CCDC112: variants seen among roughly 807,000 people sequenced by gnomAD.
CCDC112 encodes the protein coiled-coil domain-containing protein 112.
In CCDC112, 40 loss-of-function variants were observed where a neutral mutation model predicts 66.3. The observed-to-expected ratio is 0.60, with a 90% CI of 0.47 to 0.79. The LOEUF (loss-of-function observed/expected upper bound fraction) is 0.79, where lower values mean the gene tolerates loss of function less well. CCDC112 is among the 30% of genes least tolerant of loss of function. CCDC112 has a pLI of 0.00. For synonymous variants in CCDC112, 214 were observed against 197.2 expected (o/e 1.09, Z -0.71); for missense variants, 659 against 603.8 (o/e 1.09, Z -0.96).
intron 1 of CCDC112, among the ~76,000 whole-genome samples, chr5:115,295,662 T>C (rs770844484): frequency 6.6e-6 from 1 of 152,164 alleles, no homozygotes; most frequent in Non-Finnish European, 1.5e-5. Flanking sequence ...GGGAATACAA[T>C]AAAGAATAAA....
At chr5:115,287,490 C>T (rs1749724220) in intron 1 of CCDC112, among the ~76,000 whole-genome samples, 1 of 152,130 alleles carries the variant, frequency 6.6e-6, no homozygotes, top group African/African-American at 2.4e-5. Context: ...AATGGAGTTA[C>T]TCATGCTAAG....
In CCDC112 at chr5:115,275,450, A is replaced by G; in HGVS notation, c.684T>C (p.Thr228=). The part of the protein sequence containing the change: ...KVPVDKVTPS[T]LPEEVLDFEK... ...CAAAATCTAGTACCTCTTCTGGAAG[A>G]GTACTTGGTGTTACTTTGTCTACAG... Residue 228 remains threonine, a synonymous_variant, in exon 6 of 10, where the codon ACT becomes ACC. Transcript: ENST00000379611. 6.2e-7 allele frequency: 1 copy of G among 1,614,068 alleles called. No individual in the cohort carries two copies. The highest frequency in any genetic ancestry group is 8.5e-7 in the Non-Finnish European group (1 of 1,179,968).
chr5:115,275,433 A>G lies in CCDC112; in HGVS notation c.701T>C (p.Leu234Pro), dbSNP rs369371531. 9 of 1,614,076 alleles carry G rather than the reference A, an allele frequency of 5.6e-6. No homozygotes were observed. Among genetic ancestry groups the G allele is most frequent in the Non-Finnish European group, 7.6e-6 (9 of 1,179,978 alleles). The change falls in exon 6 of 10, where the codon CTA becomes CCA. Residue 234 changes from leucine (L) to proline (P), a missense_variant. By Grantham distance (98) the Leu-to-Pro change is moderately conservative. Coordinates refer to ENST00000379611, the MANE Select transcript of CCDC112 (RefSeq NM_001040440.3). ...TTGCTGAAGGAATTTTTCAAAATCT[A>G]GTACCTCTTCTGGAAGAGTACTTGG... ...VTPSTLPEEV[L>P]DFEKFLQQTG... is the part of the protein sequence containing the mutation.
intron 5 of CCDC112, 110 bp from the exon 6 acceptor site, chr5:115,275,716 T>C (rs1749180186): frequency 1.3e-6 from 1 of 785,034 alleles, no homozygotes; most frequent in African/African-American, 1.8e-5. Flanking sequence ...CACTTAACAT[T>C]ATTAACATTT....
At chr5:115,290,695 C>G (rs1351543864) in intron 1 of CCDC112, among the ~76,000 whole-genome samples, 1 of 152,022 alleles carries the variant, frequency 6.6e-6, no homozygotes. Context: ...AAGTTTTATG[C>G]TTCTTTTGTT....
At chr5:115,271,109 A>G (rs1376566399) in intron 7 of CCDC112, 104 bp downstream of exon 7, 1 of 1,028,700 alleles carries the variant, frequency 9.7e-7, no homozygotes, top group Non-Finnish European at 1.4e-6. Flanking sequence ...CTAATGCTAT[A>G]CACAGGTCCA....
In CCDC112 at chr5:115,273,274, A is replaced by G. The variant is rs1485765636; in HGVS notation, c.919-1648T>C. ...TCCAGAAAGTGAGAACAAGATAAGC[A>G]AAGGCATTCAGGCCAGAAAGTTCAG... On this transcript the variant is annotated intron_variant, in intron 6 of 9. Transcript: ENST00000379611. Among the ~76,000 whole-genome samples, 6 of 152,376 alleles carry G rather than the reference A, an allele frequency of 3.9e-5. No individual in the cohort carries two copies. The East Asian group carries it at 9.6e-4, about 24-fold the overall frequency.
intron 1 of CCDC112, among the ~76,000 whole-genome samples, chr5:115,292,353 T>C (rs557745173): frequency 2.0e-4 from 29 of 146,550 alleles, no homozygotes; most frequent in South Asian, 6.4e-4. Context: ...TTGATTCTTT[T>C]TTAAATGTTT....
rs901323825 is a variant in CCDC112 at position 115,269,688 on chromosome 5, C to T, written c.1428+15G>A. 3.3e-6 allele frequency: 5 copies of T among 1,535,060 alleles called. No individual in the cohort carries two copies. In the African/African-American group the frequency reaches 5.5e-5, roughly 17 times the overall value. Reference sequence around the variant, plus strand: ...TTAGGATAATAACAATGAAAATAATCTCGGTGCAGAGTACCTTTTCTTTTA... The same window carrying T: ...TTAGGATAATAACAATGAAAATAATTTCGGTGCAGAGTACCTTTTCTTTTA... On this transcript the variant is annotated intron_variant, in intron 8 of 9. Transcript: ENST00000379611.
chr5:115,272,539 C>G (rs1749050116), intron 6 of CCDC112, among the ~76,000 whole-genome samples: 2 of 152,244 alleles, frequency 1.3e-5, no homozygotes, highest in South Asian at 4.1e-4. Flanking sequence ...AATGAGTTAG[C>G]GTCTGGCACA....
chr5:115,281,282 C>T (rs1749445334), intron 2 of CCDC112, among the ~76,000 whole-genome samples: 1 of 152,074 alleles, frequency 6.6e-6, no homozygotes, highest in African/African-American at 2.4e-5. Flanking sequence ...CCTTGGCCTC[C>T]CAAAATGCTG....
At chr5:115,283,240 A>G (rs970114504) in intron 2 of CCDC112, among the ~76,000 whole-genome samples, 1 of 152,072 alleles carries the variant, frequency 6.6e-6, no homozygotes. Flanking sequence ...TTTCTATTTT[A>G]TAACTTGTAC....
chr5:115,276,461 G>A (rs1182884967), intron 4 of CCDC112, among the ~76,000 whole-genome samples: 1 of 152,152 alleles, frequency 6.6e-6, no homozygotes, highest in Admixed American at 6.5e-5. Flanking sequence ...AAGCAAGGAG[G>A]TAGGGATATA....
At chr5:115,274,734 C>G (rs1463210611) in intron 6 of CCDC112, among the ~76,000 whole-genome samples, 1 of 150,506 alleles carries the variant, frequency 6.6e-6, no homozygotes, top group East Asian at 1.9e-4. Flanking sequence ...GGTAAAATTA[C>G]TTAACTTCCT....
chr5:115,288,283 C>T (rs1055910502), intron 1 of CCDC112, among the ~76,000 whole-genome samples: 16 of 152,152 alleles, frequency 1.1e-4, no homozygotes, highest in Admixed American at 5.9e-4. Flanking sequence ...ACCCAGCCAC[C>T]ATGTACTTTT....
At chr5:115,270,932 T>C (rs1748967700) in intron 7 of CCDC112, among the ~76,000 whole-genome samples, 1 of 152,176 alleles carries the variant, frequency 6.6e-6, no homozygotes, top group Non-Finnish European at 1.5e-5. Flanking sequence ...CTGCCACTCA[T>C]AGCTGTGGTA....
intron 2 of CCDC112, among the ~76,000 whole-genome samples, chr5:115,283,917 T>C (rs1749564345): frequency 6.6e-6 from 1 of 152,244 alleles, no homozygotes; most frequent in East Asian, 1.9e-4. Flanking sequence ...ACATTCTTCA[T>C]ATTTATATGC....
At chr5:115,283,501 A>T (rs140204416) in intron 2 of CCDC112, among the ~76,000 whole-genome samples, 278 of 152,286 alleles carry the variant, frequency 1.8e-3, no homozygotes, top group African/African-American at 6.3e-3. Flanking sequence ...TAACTATGTG[A>T]AGTGATGGAT....
rs1748976100 is a variant in CCDC112, at chr5:115,271,133, C to A, written c.1332+80G>T. On this transcript the variant is annotated intron_variant, in intron 7 of 9. Transcript: ENST00000379611. ...TACACAGGTCCAATATACAAATACT[C>A]AATTTTTGCTTAACTGAATTTGGAA... 64 of 1,337,988 alleles carry A rather than the reference C, an allele frequency of 4.8e-5. 1 individual carries two copies. In the South Asian group the frequency reaches 8.9e-4, roughly 19 times the overall value. The allele number at this position is 1,337,988 out of a possible 1,614,324, so 82.9% of individuals were successfully genotyped here.
Sources: gnomAD v4.1 joint callset for allele counts (sites outside exome capture counted in the v4.1 genomes callset) on GRCh38, gnomAD v4.1.1 for gene constraint, MANE v1.5 for transcripts, NCBI Gene and HGNC (gene_info 2026-07-23, HGNC 2026-07-21) for gene names.